Variants in NBPF11 observed in about 807,000 individuals in gnomAD.
The protein encoded by NBPF11 is NBPF member 11, also known as NBPF family member NBPF11.
A neutral mutation model predicts 93.9 loss-of-function variants in NBPF11; 72 were observed. The ratio of observed to expected loss-of-function variants is 0.77; its 90% CI spans 0.63 to 0.93. The LOEUF is 0.93. NBPF11 is among the 40% of genes least tolerant of loss of function. The pLI, the probability that NBPF11 is intolerant of heterozygous loss-of-function variation, is 0.00. For synonymous variants in NBPF11, 224 were observed against 304.9 expected (o/e 0.73, Z 2.76); for missense variants, 705 against 802.2 (o/e 0.88, Z 1.46).
At chr1:148,117,276 C>T (rs1666792912) in intron 12 of NBPF11, among the ~76,000 whole-genome samples, 1 of 148,786 alleles carries the variant, frequency 6.7e-6, no homozygotes, top group Non-Finnish European at 1.5e-5. Flanking sequence ...TCTTTTCACT[C>T]TAACAAGCCT....
chr1:148,103,741 G>C lies in NBPF11; in HGVS notation c.*155C>G. 6.8e-6 allele frequency: 11 copies of C among 1,611,700 alleles called. No homozygotes were observed. The highest frequency in any genetic ancestry group is 9.3e-6 in the Non-Finnish European group (11 of 1,179,406). Reference sequence around the variant, plus strand: ...TCACCGTCAAAGTAAAAAACCTATTGTCCATGTCAAGGGCAAAGCTGATGT... The same window carrying C: ...TCACCGTCAAAGTAAAAAACCTATTCTCCATGTCAAGGGCAAAGCTGATGT... On this transcript the variant is annotated 3_prime_UTR_variant, in exon 24 of 24. Transcript: ENST00000682118.
chr1:148,133,254 C>A (rs1226094325), intron 4 of NBPF11, among the ~76,000 whole-genome samples: 27 of 151,822 alleles, frequency 1.8e-4, no homozygotes, highest in Admixed American at 5.9e-4. Flanking sequence ...TTAACAAACA[C>A]AGTCATTATC....
In NBPF11 at chr1:148,124,465, C is replaced by G. The variant is rs1445150146; in HGVS notation, c.279-398G>C. 2.7e-5 allele frequency among the ~76,000 whole-genome samples: 4 copies of G among 148,150 alleles called. No homozygotes were observed. The South Asian group carries it at 6.7e-4, about 25-fold the overall frequency. ...GAAATGAGGCCAGGTGCAGATGGGG[C>G]GAATTGAAAAGACGAAAGAAGAAAA... On this transcript the variant is annotated intron_variant, in intron 6 of 23. Transcript: ENST00000682118.
intron 21 of NBPF11, 74 bp downstream of exon 21, chr1:148,106,107 C>T: frequency 3.2e-6 from 2 of 615,892 alleles, no homozygotes; most frequent in South Asian, 2.0e-5. Flanking sequence ...ATAATGTCAG[C>T]CCGCTCTGTT....
intron 18 of NBPF11, 28 bp downstream of exon 18, chr1:148,108,454 C>G (rs1262506744): frequency 2.3e-5 from 32 of 1,418,714 alleles, no homozygotes; most frequent in Admixed American, 2.0e-4. Context: ...TCAGTGGATC[C>G]TTATCACCTT....
At position 148,104,615 on chromosome 1, in the gene NBPF11, C is replaced by G. The variant is rs1663086837; in HGVS notation, c.2503G>C (p.Glu835Gln). The stretch of plus-strand genomic sequence containing the variant: ...TTTCTTCTTTGATCTTCTTCCCCTT[C>G]TTTTCTTCCCCTTCCCCTTCTTTTC... ...KLKRRGRGRK[E>Q]GEEDQRRKEE... Residue 835 changes from glutamate to glutamine, a missense_variant, in exon 23 of 24, where the codon GAA (glutamate) becomes CAA (glutamine). This residue lies in a region of NBPF11 where 109 missense variants were observed against 83.3 expected (regional missense o/e 1.31). Transcript: ENST00000682118. 2 of 581,104 alleles carry G rather than the reference C, an allele frequency of 3.4e-6. No individual in the cohort carries two copies. Among genetic ancestry groups the G allele is most frequent in the Non-Finnish European group, 6.0e-6 (2 of 335,068 alleles). 36.0% of individuals were successfully genotyped at this position (581,104 alleles called of 1,614,324 possible).
At chr1:148,137,252 A>G (rs1671454347) in intron 3 of NBPF11, among the ~76,000 whole-genome samples, 1 of 151,758 alleles carries the variant, frequency 6.6e-6, no homozygotes, top group Admixed American at 6.6e-5. Flanking sequence ...GGAGCTTGAG[A>G]AGGACTCCAT....
At chr1:148,146,502 C>T in intron 1 of NBPF11, 1 of 1,603,784 alleles carries the variant, frequency 6.2e-7, no homozygotes, top group Non-Finnish European at 8.5e-7. Flanking sequence ...CCACCTACTC[C>T]CTGGTGCCTG....
At chr1:148,124,668 C>T (rs1466492796) in intron 6 of NBPF11, among the ~76,000 whole-genome samples, 1 of 151,760 alleles carries the variant, frequency 6.6e-6, no homozygotes, top group Admixed American at 6.6e-5. Flanking sequence ...GTAAGTTTCA[C>T]CTCAACAATT....
chr1:148,105,331 C>T, intron 22 of NBPF11, 29 bp downstream of exon 22: 1 of 754,314 alleles, frequency 1.3e-6, no homozygotes, highest in Non-Finnish European at 2.4e-6. Flanking sequence ...CTCAGTGGAT[C>T]CTTATCACCT....
intron 17 of NBPF11, among the ~76,000 whole-genome samples, chr1:148,108,941 G>A (rs1664557108): frequency 6.7e-6 from 1 of 149,930 alleles, no homozygotes; most frequent in Middle Eastern, 3.4e-3. Flanking sequence ...GGGAGTCAAA[G>A]GACACTCTGT....
intron 23 of NBPF11, 80 bp from the exon 24 acceptor site, chr1:148,103,992 T>A: frequency 6.2e-7 from 1 of 1,608,176 alleles, no homozygotes; most frequent in Non-Finnish European, 8.5e-7. Flanking sequence ...AGAAGTAACA[T>A]AAGGAAGTGG....
chr1:148,146,295 G>T (rs1309908737), intron 1 of NBPF11: 2 of 1,344,186 alleles, frequency 1.5e-6, no homozygotes, highest in South Asian at 1.7e-5. Flanking sequence ...TCTCCCCCCT[G>T]CCCGCGACTC....
At chr1:148,141,368 T>A (rs1327099078) in intron 2 of NBPF11, among the ~76,000 whole-genome samples, 9 of 152,066 alleles carry the variant, frequency 5.9e-5, no homozygotes, top group Non-Finnish European at 1.3e-4. Flanking sequence ...TACAACATAC[T>A]AATAGGGGAA....
At chr1:148,146,667 C>A (rs1235955202) in intron 1 of NBPF11, 3 of 1,611,770 alleles carry the variant, frequency 1.9e-6, no homozygotes, top group Admixed American at 3.3e-5. Flanking sequence ...TCTTCCCCAC[C>A]AAGAGCGCCC....
intron 17 of NBPF11, among the ~76,000 whole-genome samples, chr1:148,108,911 G>T (rs1252122179): frequency 1.0e-4 from 15 of 146,506 alleles, no homozygotes; most frequent in Non-Finnish European, 1.9e-4. Flanking sequence ...CAGTCAATTG[G>T]CCAGGTGACA....
intron 4 of NBPF11, chr1:148,135,336 T>TTTGCTCA (rs1671103603): frequency 4.8e-6 from 1 of 207,136 alleles, no homozygotes; most frequent in Non-Finnish European, 9.3e-6. Context: ...TGGCCACCTG[T>TTTGCTCA]TTGCTCATTT....
At position 148,122,136 on chromosome 1, in the gene NBPF11, C is replaced by A; in HGVS notation, c.697G>T (p.Glu233Ter). Residue 233 changes from glutamate to a stop codon, truncating the protein, a stop_gained, in exon 9 of 24, where the codon GAA becomes TAA. Transcript: ENST00000682118. LOFTEE classifies it high-confidence loss of function. ...PHKNIKITFE[E>*]DKVNSSLVVD... ...ACCAGAGATGAGTTGACTTTGTCTT[C>A]CTCAAATGTGATTTTGATGTTCTTG... is the stretch of plus-strand genomic sequence containing the variant. 1 of 1,613,398 alleles carries A rather than the reference C, an allele frequency of 6.2e-7. No individual in the cohort carries two copies. The highest frequency in any genetic ancestry group is 8.5e-7 in the Non-Finnish European group (1 of 1,179,602).
chr1:148,146,583 C>A (rs1673129197), intron 1 of NBPF11: 1 of 1,607,994 alleles, frequency 6.2e-7, no homozygotes, highest in African/African-American at 1.3e-5. Context: ...CGGGCGCACC[C>A]GGGCGCTGGA....
Sources: gnomAD v4.1 joint callset for allele counts (sites outside exome capture counted in the v4.1 genomes callset) on GRCh38, gnomAD v4.1.1 for gene constraint, gnomAD v4.1.1 regional missense constraint, MANE v1.5 for transcripts, NCBI Gene and HGNC (gene_info 2026-07-23, HGNC 2026-07-21) for gene names.